Variants in CCDC192 observed in about 807,000 individuals in gnomAD.
CCDC192 encodes the protein coiled-coil domain-containing protein 192.
intron 3 of CCDC192, among the ~76,000 whole-genome samples, chr5:127,765,951 G>T (rs1755199872): frequency 6.6e-6 from 1 of 152,172 alleles, no homozygotes; most frequent in South Asian, 2.1e-4. Context: ...CCCTGAGTCT[G>T]TTTGGTTTTT....
At chr5:127,850,479 C>A (rs932096914) in intron 5 of CCDC192, among the ~76,000 whole-genome samples, 1 of 152,126 alleles carries the variant, frequency 6.6e-6, no homozygotes, top group Non-Finnish European at 1.5e-5. Flanking sequence ...TTACCTATAA[C>A]AAGGAAATTC....
Position 127,803,524 on chromosome 5 carries a change from G to A in CCDC192, c.411+5362G>A, listed in dbSNP as rs190189952. Among the ~76,000 whole-genome samples, 26 of 152,268 alleles carry A rather than the reference G, an allele frequency of 1.7e-4. No homozygotes were observed. The East Asian group carries it at 4.2e-3, about 25-fold the overall frequency. ...GTTAGGGCGATTTGAGTCAGGACTA[G>A]GTATCTTAATAAAAAATTCCTTTTA... On this transcript the variant is annotated intron_variant, in intron 5 of 6. Transcript: ENST00000514853.
chr5:127,921,950 C>T, intron 6 of CCDC192, among the ~76,000 whole-genome samples: 1 of 152,322 alleles, frequency 6.6e-6, no homozygotes, highest in East Asian at 1.9e-4. Context: ...CTAAAAAGTA[C>T]ATGCTACTAA....
chr5:127,775,342 G>T (rs1390920328), intron 3 of CCDC192, among the ~76,000 whole-genome samples: 2 of 152,156 alleles, frequency 1.3e-5, no homozygotes, highest in Non-Finnish European at 2.9e-5. Context: ...CTATGTTCCA[G>T]AGTTTGCTGA....
intron 5 of CCDC192, among the ~76,000 whole-genome samples, chr5:127,870,545 G>T (rs1751807701): frequency 6.6e-6 from 1 of 152,192 alleles, no homozygotes; most frequent in Non-Finnish European, 1.5e-5. Context: ...CAAGGATTAG[G>T]TCCAGCTGAA....
intron 6 of CCDC192, among the ~76,000 whole-genome samples, chr5:127,881,556 C>A (rs1016074764): frequency 1.3e-5 from 2 of 152,178 alleles, no homozygotes; most frequent in East Asian, 3.8e-4. Context: ...TATTCATATT[C>A]AAATTAATGA....
At chr5:127,816,328 T>A (rs144630619) in intron 5 of CCDC192, among the ~76,000 whole-genome samples, 296 of 152,308 alleles carry the variant, frequency 1.9e-3, no homozygotes, top group Middle Eastern at 0.014. Context: ...AGACAGAGAT[T>A]TGCTAGGACC....
chr5:127,847,133 A>T (rs558387607), intron 5 of CCDC192, among the ~76,000 whole-genome samples: 1 of 152,206 alleles, frequency 6.6e-6, no homozygotes, highest in Non-Finnish European at 1.5e-5. Context: ...GCACAATCTA[A>T]TCTCTTGCTA....
intron 2 of CCDC192, among the ~76,000 whole-genome samples, chr5:127,753,564 C>T (rs540010276): frequency 1.7e-4 from 26 of 151,972 alleles, no homozygotes; most frequent in African/African-American, 6.0e-4. Flanking sequence ...GGCATGGTGG[C>T]GCGTGCCTGT....
chr5:127,819,643 T>C (rs1049935497), intron 5 of CCDC192, among the ~76,000 whole-genome samples: 1 of 152,262 alleles, frequency 6.6e-6, no homozygotes, highest in East Asian at 1.9e-4. Context: ...GATGGTTGTT[T>C]CTTTTTAGAT....
rs986214502 is a variant in CCDC192, at chr5:127,798,142, C to CA, written c.392dup (p.Glu132GlyfsTer11). ...ATTGCAAGCTGAAGTAAAAGCTTCCCAGGAGCAACTTATAGCCCAGGTAAG... is the reference window on the plus strand; with the variant it reads ...ATTGCAAGCTGAAGTAAAAGCTTCCCAAGGAGCAACTTATAGCCCAGGTAAG... On this transcript the variant is annotated frameshift_variant, in exon 5 of 7. Coordinates refer to ENST00000514853, the MANE Select transcript of CCDC192 (RefSeq NM_001317938.2). LOFTEE classifies it high-confidence loss of function. The CA allele has an allele frequency of 9.5e-5, 38 of 398,334 alleles. No homozygotes were observed. The highest frequency in any genetic ancestry group is 4.9e-4 in the African/African-American group (24 of 48,664). 24.7% of individuals were successfully genotyped at this position (398,334 alleles called of 1,614,324 possible).
At chr5:127,895,605 C>T (rs1044831353) in intron 6 of CCDC192, among the ~76,000 whole-genome samples, 65 of 152,036 alleles carry the variant, frequency 4.3e-4, no homozygotes, top group African/African-American at 1.5e-3. Flanking sequence ...TTTGGGAGGC[C>T]GAGGTGGGTG....
intron 5 of CCDC192, among the ~76,000 whole-genome samples, chr5:127,871,711 A>G (rs1751869311): frequency 6.6e-6 from 1 of 152,368 alleles, no homozygotes; most frequent in South Asian, 2.1e-4. Context: ...ACGCTCTTCT[A>G]TGAATAGCTC....
intron 6 of CCDC192, among the ~76,000 whole-genome samples, chr5:127,909,180 T>C (rs1419299946): frequency 6.6e-6 from 1 of 152,116 alleles, no homozygotes; most frequent in African/African-American, 2.4e-5. Context: ...GCGAGAGCAG[T>C]GGACAGGGAG....
rs111773052 is a variant in CCDC192 at position 127,782,739 on chromosome 5, A to G, written c.223-14364A>G. ...ATCTTGCTAACGATGTATCAATTTT[A>G]TTTATCTTTTCAAAGAACCAGCTTT... On this transcript the variant is annotated intron_variant, in intron 3 of 6. Coordinates refer to ENST00000514853, the MANE Select transcript of CCDC192 (RefSeq NM_001317938.2). 4.7e-3 allele frequency among the ~76,000 whole-genome samples: 714 copies of G among 151,770 alleles called. 1 individual carries two copies. Among genetic ancestry groups the G allele is most frequent in the African/African-American group, 0.016 (670 of 41,394 alleles).
chr5:127,899,787 C>G lies in CCDC192; in HGVS notation c.535+24126C>G, dbSNP rs111524720. On this transcript the variant is annotated intron_variant, in intron 6 of 6. Coordinates refer to ENST00000514853, the MANE Select transcript of CCDC192 (RefSeq NM_001317938.2). ...TTCTCAAAACAACCTGCATGTTTAT[C>G]TTCGAATATTTACCCAAATACCCTG... Among the ~76,000 whole-genome samples the G allele has an allele frequency of 3.3e-4, 51 of 152,258 alleles. 1 individual carries two copies. The highest frequency in any genetic ancestry group is 1.2e-3 in the African/African-American group (48 of 41,550).
chr5:127,875,186 C>G (rs1007578935), intron 5 of CCDC192, among the ~76,000 whole-genome samples: 1 of 152,124 alleles, frequency 6.6e-6, no homozygotes, highest in Admixed American at 6.5e-5. Flanking sequence ...GAAAAAAAAT[C>G]TGATACTAGT....
At chr5:127,935,638 C>G (rs1283121375) in intron 6 of CCDC192, 1 of 152,170 alleles carries the variant, frequency 6.6e-6, no homozygotes, top group East Asian at 1.9e-4. Flanking sequence ...AAGTGATGCC[C>G]CACTGTTTTC....
intron 5 of CCDC192, among the ~76,000 whole-genome samples, chr5:127,861,200 G>A (rs941277662): frequency 6.6e-6 from 1 of 151,770 alleles, no homozygotes; most frequent in Non-Finnish European, 1.5e-5. Context: ...TAGAGATGGG[G>A]TTTCTCCATG....
Sources: allele counts gnomAD v4.1 joint callset (sites outside exome capture counted in the v4.1 genomes callset), GRCh38; gene constraint gnomAD v4.1.1; transcripts MANE v1.5; gene names NCBI Gene and HGNC (gene_info 2026-07-23, HGNC 2026-07-21).